The following PLA2G4D variants were observed in gnomAD, a reference collection of about 807,000 sequenced individuals.
The protein encoded by PLA2G4D is phospholipase A2 group IVD.
A neutral mutation model predicts 94.4 loss-of-function variants in PLA2G4D; 80 were observed. That is an observed-to-expected ratio of 0.85 (90% CI 0.71 to 1.02). PLA2G4D has a LOEUF of 1.02. PLA2G4D is among the 50% of genes least tolerant of loss of function. The pLI, the probability that PLA2G4D is intolerant of heterozygous loss-of-function variation, is 0.00. For synonymous variants in PLA2G4D, 438 were observed against 440.9 expected, an observed-to-expected ratio of 0.99 and a Z score of 0.08; for missense variants, 1,050 against 1,034.7, an observed-to-expected ratio of 1.01 and a Z score of -0.20.
At position 42,068,458 on chromosome 15, in the gene PLA2G4D, G is replaced by T; in HGVS notation, c.*257C>A. 3.9e-6 allele frequency: 2 copies of T among 513,600 alleles called. No homozygotes were observed. Among genetic ancestry groups the T allele is most frequent in the South Asian group, 4.6e-5 (2 of 43,944 alleles). 31.8% of individuals were successfully genotyped at this position (513,600 alleles called of 1,614,324 possible). The stretch of plus-strand genomic sequence containing the variant: ...CTGCTCAGGCATGGAAGTAATTGTG[G>T]TGTGAAAGTCTGTCTGGTTGGACCA... On this transcript the variant is annotated 3_prime_UTR_variant, in exon 20 of 20. Transcript: ENST00000290472.
At chr15:42,073,353 G>C (rs1889863349) in intron 13 of PLA2G4D, among the ~76,000 whole-genome samples, 1 of 152,164 alleles carries the variant, frequency 6.6e-6, no homozygotes, top group Non-Finnish European at 1.5e-5. Context: ...CCTCCACAGA[G>C]CCTCCCTGAA....
At chr15:42,088,956 AC>A (rs1463714472) in intron 1 of PLA2G4D, among the ~76,000 whole-genome samples, 1 of 152,182 alleles carries the variant, frequency 6.6e-6, no homozygotes, top group Non-Finnish European at 1.5e-5. Flanking sequence ...GCCCTGCTGA[AC>A]AACCCAGAGA....
intron 19 of PLA2G4D, 83 bp from the exon 20 acceptor site, chr15:42,069,024 C>T (rs1056366327): frequency 2.6e-5 from 33 of 1,254,028 alleles, no homozygotes; most frequent in African/African-American, 1.5e-4. Context: ...GGGCTGCCCC[C>T]GCTGGAGGGG....
chr15:42,093,486 G>A (rs1360174016), intron 1 of PLA2G4D, among the ~76,000 whole-genome samples: 1 of 152,200 alleles, frequency 6.6e-6, no homozygotes, highest in Non-Finnish European at 1.5e-5. Flanking sequence ...AGGGCCGCCA[G>A]CCCCTCCACT....
chr15:42,089,329 T>C (rs1890210994), intron 1 of PLA2G4D, among the ~76,000 whole-genome samples: 1 of 151,828 alleles, frequency 6.6e-6, no homozygotes, highest in African/African-American at 2.4e-5. Context: ...GACCTGAATC[T>C]CCACTCCCCA....
In PLA2G4D at chr15:42,086,194, T is replaced by TGGGGGGGCCCCC; in HGVS notation, c.387+18_387+19insGGGGGCCCCCCC. On this transcript the variant is annotated intron_variant, in intron 4 of 19. Transcript: ENST00000290472. ...GGAAGAAGTGGGGCCCACGGGGACT[T>TGGGGGGGCCCCC]CCCCACCCACCCACCCACCTGGGGA... 4.4e-6 allele frequency: 6 copies of TGGGGGGGCCCCC among 1,370,440 alleles called. No homozygotes were observed. The highest frequency in any genetic ancestry group is 3.0e-5 in the South Asian group (2 of 66,866). 84.9% of individuals were successfully genotyped at this position (1,370,440 alleles called of 1,614,324 possible).
intron 5 of PLA2G4D, 117 bp downstream of exon 5, chr15:42,085,374 C>T: frequency 1.6e-6 from 2 of 1,250,272 alleles, no homozygotes; most frequent in African/African-American, 1.5e-5. Flanking sequence ...ACCTCTCTGG[C>T]AGGGGTAGGA....
chr15:42,085,203 G>T lies in PLA2G4D; in HGVS notation c.429-65C>A. 2.5e-6 allele frequency: 4 copies of T among 1,588,056 alleles called. No homozygotes were observed. The Admixed American group carries it at 5.0e-5, about 20-fold the overall frequency. On this transcript the variant is annotated intron_variant, in intron 5 of 19. Coordinates refer to ENST00000290472, the MANE Select transcript of PLA2G4D (RefSeq NM_178034.4). ...ATTGACCTCCCGCTCCCGCCCATGTGGGGTCTCCCTGGGTGATGCTGAGGG... is the reference window on the plus strand; with the variant it reads ...ATTGACCTCCCGCTCCCGCCCATGTTGGGTCTCCCTGGGTGATGCTGAGGG...
chr15:42,075,043 C>T (rs1172714344), intron 13 of PLA2G4D, among the ~76,000 whole-genome samples: 1 of 152,164 alleles, frequency 6.6e-6, no homozygotes, highest in Non-Finnish European at 1.5e-5. Flanking sequence ...CCCACATTAG[C>T]CTCCTCAGTA....
intron 15 of PLA2G4D, 104 bp downstream of exon 15, chr15:42,071,670 C>G: frequency 1.5e-6 from 2 of 1,342,732 alleles, no homozygotes; most frequent in Non-Finnish European, 1.0e-6. Flanking sequence ...CCCGCCACCC[C>G]TCCCCCTTGT....
At chr15:42,083,015 C>A (rs1017673082) in intron 8 of PLA2G4D, among the ~76,000 whole-genome samples, 183 bp downstream of exon 8, 18 of 152,266 alleles carry the variant, frequency 1.2e-4, no homozygotes, top group African/African-American at 4.1e-4. Context: ...GTGCAGCAGC[C>A]CCATGCCCGC....
Position 42,087,386 on chromosome 15 carries a change from T to C in PLA2G4D, c.169A>G (p.Met57Val), listed in dbSNP as rs1286691957. The C allele has an allele frequency of 7.4e-6, 12 of 1,614,144 alleles. No individual in the cohort carries two copies. Among genetic ancestry groups the C allele is most frequent in the Non-Finnish European group, 9.3e-6 (11 of 1,180,008 alleles). Residue 57 changes from methionine (M) to valine (V), a missense_variant, in exon 3 of 20, where the codon ATG (methionine) becomes GTG (valine). Coordinates refer to ENST00000290472, the MANE Select transcript of PLA2G4D (RefSeq NM_178034.4). ...GTGAGCGTCTTGGTCTTAAACTTCA[T>C]TCCAGGTGCGGTCGACAGCTGTAGG... is the stretch of plus-strand genomic sequence containing the variant. Reference protein sequence around the residue: ...VILQLSTAPGMKFKTKTLTDT... With the variant: ...VILQLSTAPGVKFKTKTLTDT...
Position 42,071,122 on chromosome 15 carries a change from C to A in PLA2G4D, c.1876+1G>T. On this transcript the variant is annotated splice_donor_variant, in intron 17 of 19. Coordinates refer to ENST00000290472, the MANE Select transcript of PLA2G4D (RefSeq NM_178034.4). LOFTEE classifies it high-confidence loss of function. ...TAGGGACCCCTGGCCACGGCCCTGA[C>A]CTGCCCAGGTGGAGAAGTCTTTGTG... The A allele has an allele frequency of 6.2e-7, 1 of 1,609,690 alleles. No homozygotes were observed. Among genetic ancestry groups the A allele is most frequent in the Non-Finnish European group, 8.5e-7 (1 of 1,178,748 alleles).
intron 1 of PLA2G4D, among the ~76,000 whole-genome samples, chr15:42,091,090 A>T (rs1438665942): frequency 6.6e-6 from 1 of 152,164 alleles, no homozygotes; most frequent in African/African-American, 2.4e-5. Context: ...CAACATAGAG[A>T]TCATTTTCTC....
rs977533277 is a variant in PLA2G4D at position 42,082,336 on chromosome 15, C to T, written c.726G>A (p.Val242=). 3 of 1,614,142 alleles carry T rather than the reference C, an allele frequency of 1.9e-6. No individual in the cohort carries two copies. The highest frequency in any genetic ancestry group is 2.2e-5 in the South Asian group (2 of 91,084). ...TCCCAATGGTCAAGGGCCTCAGGGG[C>T]ACAGTGAGGTACCCAGCTGAGTTGT... ...NGDNSAGYLT[V]PLRPLTIGKE... Residue 242 remains valine, a synonymous_variant, in exon 9 of 20, where the codon GTG becomes GTA. Transcript: ENST00000290472.
At position 42,068,961 on chromosome 15, in the gene PLA2G4D, GT is replaced by G. The variant is rs1014278990; in HGVS notation, c.2231-21del. 5 of 1,598,272 alleles carry G rather than the reference GT, an allele frequency of 3.1e-6. No individual in the cohort carries two copies. Among genetic ancestry groups the G allele is most frequent in the Non-Finnish European group, 4.3e-6 (5 of 1,173,752 alleles). On this transcript the variant is annotated intron_variant, in intron 19 of 19. Coordinates refer to ENST00000290472, the MANE Select transcript of PLA2G4D (RefSeq NM_178034.4). ...GGACACCTGCCCAGGGGTAGGAGGG[GT>G]GTCAGGAGCAGGACGCCGGGGCTTC...
rs146646386 is a variant in PLA2G4D, at chr15:42,069,909, C to T, written c.2230G>A (p.Gly744Ser). ...NASFKDHSAP[G>S]VQRSPAELQG... ...GGGTGCTTGGGAGGGGCTGCCTCAC[C>T]GGGGGCTGAGTGGTCCTTGAAGGAG... Residue 744 changes from glycine (G) to serine (S), a missense_variant and splice_region_variant, in exon 19 of 20, where the codon GGT (glycine) becomes AGT (serine). Coordinates refer to ENST00000290472, the MANE Select transcript of PLA2G4D (RefSeq NM_178034.4). 3.8e-5 allele frequency: 54 copies of T among 1,413,576 alleles called. No homozygotes were observed. The highest frequency in any genetic ancestry group is 2.6e-4 in the Admixed American group (7 of 27,318). 87.6% of individuals were successfully genotyped at this position (1,413,576 alleles called of 1,614,324 possible).
At chr15:42,087,537 A>G in intron 2 of PLA2G4D, 91 bp downstream of exon 2, 2 of 1,602,536 alleles carry the variant, frequency 1.2e-6, no homozygotes, top group Non-Finnish European at 1.7e-6. Context: ...ACCGCAGGTG[A>G]CCCAGCCCAG....
At chr15:42,092,604 C>T (rs558479409) in intron 1 of PLA2G4D, among the ~76,000 whole-genome samples, 23 of 152,248 alleles carry the variant, frequency 1.5e-4, no homozygotes, top group African/African-American at 2.9e-4. Context: ...ATGACTAACC[C>T]GGAGGCTTCT....
Sources: gnomAD v4.1 joint callset for allele counts (sites outside exome capture counted in the v4.1 genomes callset) on GRCh38, gnomAD v4.1.1 for gene constraint, MANE v1.5 for transcripts, NCBI Gene and HGNC (gene_info 2026-07-23, HGNC 2026-07-21) for gene names.